Variants in FRMD4A observed in about 807,000 individuals in gnomAD.
The protein encoded by FRMD4A is FERM domain containing 4A.
FRMD4A carries 29 observed loss-of-function variants against 129.1 expected under a neutral mutation model. The observed-to-expected ratio is 0.22, with a 90% CI of 0.17 to 0.31. The LOEUF is 0.31. FRMD4A is among the 10% of genes least tolerant of loss of function. The pLI is 1.00. For synonymous variants in FRMD4A, 634 were observed against 571.6 expected (o/e 1.11, Z -1.56); for missense variants, 1,272 against 1,375.8 (o/e 0.92, Z 1.19).
At chr10:14,017,625 C>T (rs757995390) in intron 2 of FRMD4A, among the ~76,000 whole-genome samples, 1 of 152,158 alleles carries the variant, frequency 6.6e-6, no homozygotes, top group Non-Finnish European at 1.5e-5. Context: ...TTTTCTTCAA[C>T]AGGGGAATAG....
intron 2 of FRMD4A, among the ~76,000 whole-genome samples, chr10:14,276,154 A>T (rs887697648): frequency 6.6e-6 from 1 of 152,194 alleles, no homozygotes; most frequent in Non-Finnish European, 1.5e-5. Flanking sequence ...GTTTTTTCCC[A>T]CCGGAAGACA....
chr10:13,659,358 C>T lies in FRMD4A; in HGVS notation c.2031G>A (p.Leu677=). The T allele has an allele frequency of 1.2e-6, 2 of 1,614,212 alleles. No individual in the cohort carries two copies. The highest frequency in any genetic ancestry group is 1.7e-6 in the Non-Finnish European group (2 of 1,180,010). The change falls in exon 21 of 25, where the codon CTG becomes CTA. Residue 677 remains leucine, a synonymous_variant. Coordinates refer to ENST00000357447, the MANE Select transcript of FRMD4A (RefSeq NM_018027.5). ...GGACGTAGTGGGGACTCCGGACCCG[C>T]AGGTCTGGCGTGGACGGCATGCTGG... ...SQSSMPSTPD[L]RVRSPHYVHS...
chr10:13,855,980 T>C (rs1343518621), intron 3 of FRMD4A, among the ~76,000 whole-genome samples: 2 of 151,384 alleles, frequency 1.3e-5, no homozygotes, highest in Non-Finnish European at 2.9e-5. Flanking sequence ...TAAATATAAA[T>C]ATATATATGT....
intron 2 of FRMD4A, among the ~76,000 whole-genome samples, chr10:14,135,830 G>C (rs1374971006): frequency 6.6e-6 from 1 of 152,124 alleles, no homozygotes; most frequent in Non-Finnish European, 1.5e-5. Flanking sequence ...CCCGCAAATA[G>C]AACATTGGAC....
chr10:14,127,894 A>G (rs1331210583), intron 2 of FRMD4A, among the ~76,000 whole-genome samples: 3 of 149,804 alleles, frequency 2.0e-5, no homozygotes, highest in African/African-American at 7.4e-5. Context: ...TTTTCCCCAT[A>G]TTTATATTTT....
intron 2 of FRMD4A, among the ~76,000 whole-genome samples, chr10:14,158,860 AGG>A: frequency 6.6e-6 from 1 of 151,254 alleles, no homozygotes; most frequent in South Asian, 2.1e-4. Flanking sequence ...GAGGAGGAGG[AGG>A]AGGAGGAGGA....
intron 1 of FRMD4A, 53 bp downstream of exon 1, chr10:14,330,544 T>C: frequency 2.5e-6 from 1 of 407,486 alleles, no homozygotes; most frequent in Non-Finnish European, 4.3e-6. Flanking sequence ...ACCCCCTCTC[T>C]CTGCATCTCT....
chr10:13,657,226 C>G lies in FRMD4A; in HGVS notation c.2363G>C (p.Arg788Pro), dbSNP rs965563897. 1.3e-6 allele frequency: 2 copies of G among 1,568,034 alleles called. No homozygotes were observed. Among genetic ancestry groups the G allele is most frequent in the African/African-American group, 1.3e-5 (1 of 74,082 alleles). Residue 788 changes from arginine (R) to proline (P), a missense_variant, in exon 22 of 25, where the codon CGG (arginine) becomes CCG (proline). Arg to Pro is a moderately radical substitution (Grantham distance 103). Around this residue, in one of 2 missense-constraint regions of FRMD4A, gnomAD observed 972 missense variants for 892.3 expected, o/e 1.09. Coordinates refer to ENST00000357447, the MANE Select transcript of FRMD4A (RefSeq NM_018027.5). Reference sequence around the variant, plus strand: ...GGCTGAGCCCAGTGCGCCCGCCGCCCGCTGCCGCTGCCTCTGCCTCTGGCG... The same window carrying G: ...GGCTGAGCCCAGTGCGCCCGCCGCCGGCTGCCGCTGCCTCTGCCTCTGGCG... ...KARQRQRQRQ[R>P]AAGALGSASS...
intron 11 of FRMD4A, among the ~76,000 whole-genome samples, chr10:13,739,762 C>G (rs1328183090): frequency 6.6e-6 from 1 of 152,204 alleles, no homozygotes; most frequent in African/African-American, 2.4e-5. Flanking sequence ...ATCTTCCTGA[C>G]CAAGTCCTCC....
chr10:13,758,763 C>T (rs1391834656), intron 8 of FRMD4A, among the ~76,000 whole-genome samples: 5 of 151,892 alleles, frequency 3.3e-5, no homozygotes, highest in East Asian at 1.9e-4. Context: ...TTTTCCTGGT[C>T]GTGAGACAAG....
At chr10:14,322,963 C>T (rs1214421582) in intron 2 of FRMD4A, among the ~76,000 whole-genome samples, 3 of 152,170 alleles carry the variant, frequency 2.0e-5, no homozygotes, top group Non-Finnish European at 4.4e-5. Flanking sequence ...TTGCCTTTGC[C>T]AGAGAGAACA....
intron 3 of FRMD4A, among the ~76,000 whole-genome samples, chr10:13,822,343 T>C (rs892334519): frequency 6.6e-6 from 1 of 152,192 alleles, no homozygotes; most frequent in African/African-American, 2.4e-5. Flanking sequence ...GGGGTTCAGA[T>C]CTAGCAAATA....
At chr10:13,964,406 G>T (rs2095469907) in intron 2 of FRMD4A, among the ~76,000 whole-genome samples, 1 of 144,766 alleles carries the variant, frequency 6.9e-6, no homozygotes, top group Admixed American at 7.0e-5. Flanking sequence ...TCAGATTGTT[G>T]GTCTTATTTA....
chr10:14,033,279 A>G (rs1833335469), intron 2 of FRMD4A, among the ~76,000 whole-genome samples: 2 of 150,120 alleles, frequency 1.3e-5, no homozygotes, highest in Non-Finnish European at 3.0e-5. Context: ...TGCACTCCAG[A>G]CTGGCCAACA....
intron 2 of FRMD4A, among the ~76,000 whole-genome samples, chr10:14,136,841 GCTGCGTTTTTAA>G (rs1472176490): frequency 6.6e-6 from 1 of 152,212 alleles, no homozygotes; most frequent in East Asian, 1.9e-4. Flanking sequence ...TTGTATCACA[GCTGCGTTTTTAA>G]CCTTGACAAA....
intron 2 of FRMD4A, chr10:13,971,878 G>T (rs2095520758): frequency 3.1e-6 from 4 of 1,288,800 alleles, no homozygotes; most frequent in Admixed American, 2.4e-5. Context: ...GACACAAAGT[G>T]CCAATGTCAG....
At chr10:14,077,616 C>T (rs902987130) in intron 2 of FRMD4A, among the ~76,000 whole-genome samples, 3 of 152,136 alleles carry the variant, frequency 2.0e-5, no homozygotes, top group South Asian at 2.1e-4. Context: ...AGAGGTCACT[C>T]GTGTCAATGC....
intron 2 of FRMD4A, among the ~76,000 whole-genome samples, chr10:14,198,794 C>T (rs779107123): frequency 9.2e-5 from 14 of 152,128 alleles, no homozygotes; most frequent in Non-Finnish European, 1.8e-4. Context: ...GAGAACTGGC[C>T]GAGTTAAATT....
chr10:13,935,653 A>T (rs1161844941), intron 2 of FRMD4A, among the ~76,000 whole-genome samples: 1 of 152,126 alleles, frequency 6.6e-6, no homozygotes, highest in Non-Finnish European at 1.5e-5. Context: ...CAAGGCCAGA[A>T]AGCAGGGAAC....
Sources: gnomAD v4.1 joint callset for allele counts (sites outside exome capture counted in the v4.1 genomes callset) on GRCh38, gnomAD v4.1.1 for gene constraint, gnomAD v4.1.1 regional missense constraint, MANE v1.5 for transcripts, NCBI Gene and HGNC (gene_info 2026-07-23, HGNC 2026-07-21) for gene names.